Variants in PCDHA12 observed in about 807,000 individuals in gnomAD.
PCDHA12 encodes the protein protocadherin alpha-12.
In PCDHA12, 44 loss-of-function variants were observed where a neutral mutation model predicts 60.0. The ratio of observed to expected loss-of-function variants is 0.73; its 90% confidence interval spans 0.58 to 0.94. PCDHA12 has a LOEUF of 0.94. PCDHA12 is among the 40% of genes least tolerant of loss of function. The pLI is 0.00. For synonymous variants in PCDHA12, 569 were observed against 553.0 expected, an observed-to-expected ratio of 1.03 and a Z score of -0.40; for missense variants, 1,276 against 1,239.7, an observed-to-expected ratio of 1.03 and a Z score of -0.44.
chr5:140,987,004 A>G (rs2097221558), intron 3 of PCDHA12, among the ~76,000 whole-genome samples: 2 of 152,242 alleles, frequency 1.3e-5, no homozygotes, highest in Non-Finnish European at 2.9e-5. Flanking sequence ...ACTTGAGGTC[A>G]TGAGTTCGAG....
chr5:140,928,258 G>A lies in PCDHA12; in HGVS notation c.2367+50419G>A, dbSNP rs782503341. 15 of 1,614,094 alleles carry A rather than the reference G, an allele frequency of 9.3e-6. No individual in the cohort carries two copies. The Admixed American group carries it at 2.0e-4, about 22-fold the overall frequency. On this transcript the variant is annotated intron_variant, in intron 1 of 3. Transcript: ENST00000398631. The stretch of plus-strand genomic sequence containing the variant: ...ACCCCAGCAGGAACTTTTCGTTGCT[G>A]AAAACAATGGCCCTGGGGCCTCTCT...
chr5:140,877,686 G>C lies in PCDHA12; in HGVS notation c.2214G>C (p.Thr738=). The change falls in exon 1 of 4, where the codon ACG becomes ACC. Residue 738 remains threonine (T), a synonymous_variant. Transcript: ENST00000398631. ...GCCGGTGCGCGCCGGGCAAGCCCAC[G>C]CTGGTGTGCTCCAGCGCCGTGGGGA... The part of the protein sequence containing the change: ...TVSRCAPGKP[T]LVCSSAVGSW... 1 of 1,613,818 alleles carries C rather than the reference G, an allele frequency of 6.2e-7. No homozygotes were observed. The highest frequency in any genetic ancestry group is 1.1e-5 in the South Asian group (1 of 91,076).
At chr5:140,982,845 C>A (rs1436674965) in intron 3 of PCDHA12, among the ~76,000 whole-genome samples, 1 of 151,978 alleles carries the variant, frequency 6.6e-6, no homozygotes, top group Non-Finnish European at 1.5e-5. Flanking sequence ...TTGTTTAAAT[C>A]AGGTACCTTT....
rs782426631 is a variant in PCDHA12, at chr5:140,982,476, T to G, written c.2428T>G (p.Ser810Ala). The change falls in exon 3 of 4, where the codon TCT becomes GCT. Residue 810 changes from serine to alanine, a missense_variant and splice_region_variant. By Grantham distance (99) the Ser-to-Ala change is moderately conservative (BLOSUM62 1). Coordinates refer to ENST00000398631, the MANE Select transcript of PCDHA12 (RefSeq NM_018903.4). The part of the protein sequence containing the change: ...SASLRAGMHS[S>A]VHLEEAGILR... Reference sequence around the variant, plus strand: ...ATCTGGGTCTGTGTGTTTATTCAGCTCTGTGCACCTAGAGGAGGCTGGCAT... The same window carrying G: ...ATCTGGGTCTGTGTGTTTATTCAGCGCTGTGCACCTAGAGGAGGCTGGCAT... 9.3e-6 allele frequency: 15 copies of G among 1,614,064 alleles called. No individual in the cohort carries two copies. The African/African-American group carries it at 2.0e-4, about 22-fold the overall frequency.
At chr5:141,003,039 T>C (rs2098108520) in intron 3 of PCDHA12, among the ~76,000 whole-genome samples, 1 of 152,216 alleles carries the variant, frequency 6.6e-6, no homozygotes, top group Admixed American at 6.5e-5. Flanking sequence ...AAAGCCCTCC[T>C]GGCCTTAACA....
At chr5:141,002,333 G>A (rs782123745) in intron 3 of PCDHA12, among the ~76,000 whole-genome samples, 15 of 152,314 alleles carry the variant, frequency 9.8e-5, no homozygotes, top group Non-Finnish European at 1.8e-4. Flanking sequence ...GGCTGCATCC[G>A]CACCCCTTCC....
chr5:140,895,841 C>T (rs1389575745), intron 1 of PCDHA12, among the ~76,000 whole-genome samples: 1 of 152,092 alleles, frequency 6.6e-6, no homozygotes, highest in Admixed American at 6.6e-5. Flanking sequence ...GACAAAGTCT[C>T]ACTCTTGTAC....
chr5:140,978,989 T>G lies in PCDHA12; in HGVS notation c.2408T>G (p.Leu803Arg). 1 of 1,614,212 alleles carries G rather than the reference T, an allele frequency of 6.2e-7. No individual in the cohort carries two copies. Among genetic ancestry groups the G allele is most frequent in the Non-Finnish European group, 8.5e-7 (1 of 1,180,034 alleles). Residue 803 changes from leucine to arginine, a missense_variant, in exon 2 of 4, where the codon CTG (leucine) becomes CGG (arginine). Transcript: ENST00000398631. Reference protein sequence around the residue: ...PNPDWRYSASLRAGMHSSVHL... With the variant: ...PNPDWRYSASRRAGMHSSVHL... ...CCTGACTGGCGTTACTCTGCCTCCC[T>G]GAGAGCAGGCATGCACAGGTATGTA...
chr5:140,951,840 C>T (rs555935634), intron 1 of PCDHA12, among the ~76,000 whole-genome samples: 2 of 152,190 alleles, frequency 1.3e-5, no homozygotes, highest in African/African-American at 4.8e-5. Flanking sequence ...AGCATTAAGC[C>T]AAAAGTCCAA....
At chr5:140,940,271 T>C (rs1371680526) in intron 1 of PCDHA12, among the ~76,000 whole-genome samples, 1 of 152,228 alleles carries the variant, frequency 6.6e-6, no homozygotes, top group East Asian at 1.9e-4. Context: ...GGTTCCACTG[T>C]TGTCTCATTG....
intron 1 of PCDHA12, among the ~76,000 whole-genome samples, chr5:140,977,958 C>T (rs1912706): frequency 0.036 from 5,518 of 152,194 alleles, 299 homozygotes; most frequent in African/African-American, 0.12. Context: ...AGGGCCACCT[C>T]AATCTCCGCC....
chr5:140,914,915 T>G (rs1037949691), intron 1 of PCDHA12, among the ~76,000 whole-genome samples: 8 of 151,746 alleles, frequency 5.3e-5, no homozygotes, highest in Non-Finnish European at 1.0e-4. Context: ...TTTCTCTGTG[T>G]CTTATTGTAC....
chr5:140,985,650 A>G (rs2097162504), intron 3 of PCDHA12, among the ~76,000 whole-genome samples: 2 of 151,684 alleles, frequency 1.3e-5, no homozygotes, highest in South Asian at 4.2e-4. Context: ...AACACTTGCA[A>G]TGGCTGAATA....
chr5:140,883,850 C>G (rs369951260), intron 1 of PCDHA12: 31 of 1,612,792 alleles, frequency 1.9e-5, no homozygotes, highest in African/African-American at 4.0e-5. Flanking sequence ...CCACGAGGAG[C>G]TGGAGCTGTT....
chr5:140,879,875 C>T (rs1040496825), intron 1 of PCDHA12, among the ~76,000 whole-genome samples: 39 of 152,326 alleles, frequency 2.6e-4, no homozygotes, highest in African/African-American at 8.7e-4. Flanking sequence ...TTCATGGTCA[C>T]ATTGCCTCCT....
In PCDHA12 at chr5:140,875,318, C is replaced by G; in HGVS notation, c.-155C>G. On this transcript the variant is annotated 5_prime_UTR_variant, in exon 1 of 4. The change creates a new upstream start codon in the 5' untranslated region. Transcript: ENST00000398631. ...TTTTTCTCCGCACCCACATTCCAATCATTCACGGAATAGGATCGACTCCAT... is the reference window on the plus strand; with the variant it reads ...TTTTTCTCCGCACCCACATTCCAATGATTCACGGAATAGGATCGACTCCAT... 7.0e-7 allele frequency: 1 copy of G among 1,427,508 alleles called. No individual in the cohort carries two copies. Among genetic ancestry groups the G allele is most frequent in the South Asian group, 1.6e-5 (1 of 63,586 alleles). 88.4% of individuals were successfully genotyped at this position (1,427,508 alleles called of 1,614,324 possible). A position where few individuals can be genotyped will look rare whatever the true frequency, so the allele number is the denominator to read the frequency against.
intron 1 of PCDHA12, among the ~76,000 whole-genome samples, chr5:140,958,944 T>G (rs199974895): frequency 1.0e-5 from 1 of 100,018 alleles, no homozygotes; most frequent in African/African-American, 4.8e-5. Context: ...TGTAATAATA[T>G]TATATTATTA....
chr5:140,953,938 C>T (rs1349031672), intron 1 of PCDHA12, among the ~76,000 whole-genome samples: 1 of 152,088 alleles, frequency 6.6e-6, no homozygotes, highest in African/African-American at 2.4e-5. Context: ...CTCTCCCTCC[C>T]ATTGCTCCCC....
intron 1 of PCDHA12, among the ~76,000 whole-genome samples, chr5:140,923,708 T>C (rs1554201570): frequency 1.3e-5 from 2 of 152,216 alleles, no homozygotes; most frequent in Non-Finnish European, 2.9e-5. Context: ...CCAATTTACT[T>C]GAATAAGAAT....
Sources: gnomAD v4.1 joint callset for allele counts (sites outside exome capture counted in the v4.1 genomes callset) on GRCh38, gnomAD v4.1.1 for gene constraint, MANE v1.5 for transcripts, NCBI Gene and HGNC (gene_info 2026-07-23, HGNC 2026-07-21) for gene names.